The following SLC14A2 variants were observed in gnomAD, a reference collection of about 807,000 sequenced individuals.
SLC14A2 encodes urea transporter 2.
In SLC14A2, 91 loss-of-function variants were observed where a neutral mutation model predicts 104.6. The observed-to-expected ratio is 0.87, with a 90% CI of 0.73 to 1.04. The LOEUF is 1.04. Ranked by LOEUF, SLC14A2 falls within the 50% of genes least tolerant of loss-of-function variation. The pLI, the probability that SLC14A2 is intolerant of heterozygous loss-of-function variation, is 0.00. For synonymous variants in SLC14A2, 476 were observed against 466.4 expected, an observed-to-expected ratio of 1.02 and a Z score of -0.27; for missense variants, 1,189 against 1,156.0, an observed-to-expected ratio of 1.03 and a Z score of -0.41.
intron 1 of SLC14A2, among the ~76,000 whole-genome samples, chr18:45,223,177 G>A (rs899801281): frequency 6.6e-6 from 1 of 152,162 alleles, no homozygotes; most frequent in Non-Finnish European, 1.5e-5. Flanking sequence ...GAGAGGTTCA[G>A]TGACCCACCC....
chr18:45,178,458 AAGCC>A, the SLC14A2 span, among the ~76,000 whole-genome samples: 2 of 152,166 alleles, frequency 1.3e-5, no homozygotes, highest in African/African-American at 4.8e-5. Flanking sequence ...AAAAAATAAT[AAGCC>A]AGTAATTTAG....
intron 1 of SLC14A2, among the ~76,000 whole-genome samples, chr18:45,225,509 T>G (rs1321534229): frequency 1.3e-5 from 2 of 152,180 alleles, no homozygotes; most frequent in Non-Finnish European, 2.9e-5. Context: ...TTTAAGGTAG[T>G]TTTTTCCAAT....
At chr18:45,253,344 C>G (rs975754807) in intron 1 of SLC14A2, among the ~76,000 whole-genome samples, 2 of 151,972 alleles carry the variant, frequency 1.3e-5, no homozygotes, top group African/African-American at 4.8e-5. Flanking sequence ...ACACGGTGGA[C>G]GAAGGACGGA....
At chr18:45,440,991 G>C (rs1215822137) in intron 1 of SLC14A2, among the ~76,000 whole-genome samples, 1 of 152,094 alleles carries the variant, frequency 6.6e-6, no homozygotes, top group Non-Finnish European at 1.5e-5. Context: ...GTTTTGATCT[G>C]CCATTGACTG....
At chr18:45,553,385 T>G (rs781251273) in intron 2 of SLC14A2, among the ~76,000 whole-genome samples, 14 of 152,194 alleles carry the variant, frequency 9.2e-5, no homozygotes, top group Middle Eastern at 3.2e-3. Context: ...AAGCCCTGAT[T>G]CCTCCAACCT....
chr18:45,220,594 G>A (rs773403020), intron 1 of SLC14A2, among the ~76,000 whole-genome samples: 8 of 152,174 alleles, frequency 5.3e-5, no homozygotes, highest in Non-Finnish European at 7.3e-5. Context: ...CTTGGGACAG[G>A]GTAAGAAGCC....
intron 1 of SLC14A2, among the ~76,000 whole-genome samples, chr18:45,230,146 C>G (rs1262100050): frequency 1.3e-5 from 2 of 152,146 alleles, no homozygotes; most frequent in Non-Finnish European, 1.5e-5. Flanking sequence ...CTGCCAGGTG[C>G]CTTTCAATTG....
At chr18:45,603,428 C>T (rs2044820080) in intron 2 of SLC14A2, among the ~76,000 whole-genome samples, 1 of 151,984 alleles carries the variant, frequency 6.6e-6, no homozygotes, top group Non-Finnish European at 1.5e-5. Flanking sequence ...ACTGAGAGTT[C>T]ACTGTATTTA....
chr18:45,641,123 G>A (rs1436272740), intron 7 of SLC14A2, 86 bp from the exon 8 acceptor site: 114 of 1,429,060 alleles, frequency 8.0e-5, no homozygotes, highest in Admixed American at 1.4e-4. Context: ...CAGCATGGAG[G>A]CCACTCTGAG....
chr18:45,478,108 G>A (rs76834736), intron 1 of SLC14A2, among the ~76,000 whole-genome samples: 1 of 152,192 alleles, frequency 6.6e-6, no homozygotes, highest in Non-Finnish European at 1.5e-5. Flanking sequence ...CAGGGCCCCG[G>A]TGGTGTAGGC....
At chr18:45,463,584 T>A (rs889997024) in intron 1 of SLC14A2, among the ~76,000 whole-genome samples, 1 of 152,238 alleles carries the variant, frequency 6.6e-6, no homozygotes, top group Non-Finnish European at 1.5e-5. Flanking sequence ...TAGCCAGGTT[T>A]GTAGGACATT....
Position 45,449,820 on chromosome 18 carries a change from T to C in SLC14A2, c.-124-33413T>C, listed in dbSNP as rs138159548. 1.7e-3 allele frequency among the ~76,000 whole-genome samples: 261 copies of C among 152,310 alleles called. 1 individual carries two copies. Among genetic ancestry groups the C allele is most frequent in the African/African-American group, 6.0e-3 (249 of 41,566 alleles). On this transcript the variant is annotated intron_variant, in intron 1 of 20. Transcript: ENST00000586448. The stretch of plus-strand genomic sequence containing the variant: ...GCCCAAAACGTGTGGGCTTATAAAC[T>C]GAATTGTCTTTGGGCCTTTTTAGAG...
chr18:45,307,299 T>C (rs540745894), intron 1 of SLC14A2, among the ~76,000 whole-genome samples: 1 of 151,200 alleles, frequency 6.6e-6, no homozygotes, highest in South Asian at 2.1e-4. Flanking sequence ...ATGCCTGTAA[T>C]CCCAGCTACT....
chr18:45,599,483 A>C (rs1206606143), intron 2 of SLC14A2, among the ~76,000 whole-genome samples: 5 of 152,190 alleles, frequency 3.3e-5, no homozygotes, highest in Non-Finnish European at 7.3e-5. Flanking sequence ...CAATTTAAAG[A>C]AGTCAGTCAG....
At chr18:45,212,689 A>C (rs2143968949), upstream of SLC14A2, among the ~76,000 whole-genome samples, 1 of 152,344 alleles carries the variant, frequency 6.6e-6, no homozygotes, top group African/African-American at 2.4e-5. Context: ...ATACACTCAC[A>C]ACCGCATAGG....
At chr18:45,228,011 G>A (rs1244683183) in intron 1 of SLC14A2, among the ~76,000 whole-genome samples, 2 of 152,100 alleles carry the variant, frequency 1.3e-5, no homozygotes, top group Admixed American at 6.5e-5. Context: ...ACTTTAAATC[G>A]ATAATAGATT....
Position 45,347,132 on chromosome 18 carries a change from G to A in SLC14A2, c.-125+133941G>A, listed in dbSNP as rs369317852. 5.4e-4 allele frequency among the ~76,000 whole-genome samples: 82 copies of A among 152,138 alleles called. No homozygotes were observed. In the South Asian group the frequency reaches 7.7e-3, roughly 14 times the overall value. ...GCACTTTGACAGGTCAAGGCAGGCCGATCACTTCAGCTCAGGAGTTCGAGA... is the reference window on the plus strand; with the variant it reads ...GCACTTTGACAGGTCAAGGCAGGCCAATCACTTCAGCTCAGGAGTTCGAGA... On this transcript the variant is annotated intron_variant, in intron 1 of 20. Transcript: ENST00000586448.
In SLC14A2 at chr18:45,683,102, A is replaced by C. The variant is rs2046337166; in HGVS notation, c.*583A>C. 6.6e-6 allele frequency: 1 copy of C among 152,480 alleles called. No individual in the cohort carries two copies. The highest frequency in any genetic ancestry group is 1.4e-5 in the Non-Finnish European group (1 of 69,226). 9.4% of individuals were successfully genotyped at this position (152,480 alleles called of 1,614,324 possible). On this transcript the variant is annotated 3_prime_UTR_variant, in exon 20 of 20. Transcript: ENST00000255226. ...GAGTGAGACTCTGTCTCAAAAAAAA[A>C]AAAAAGGGGAAGTCACCAAGAAAGG...
chr18:45,615,981 ATG>A (rs2045063972), intron 1 of SLC14A2, among the ~76,000 whole-genome samples: 1 of 152,144 alleles, frequency 6.6e-6, no homozygotes, highest in Admixed American at 6.5e-5. Flanking sequence ...TGTGAGCAGG[ATG>A]TGTGTGAGTA....
Sources: allele counts gnomAD v4.1 joint callset (sites outside exome capture counted in the v4.1 genomes callset), GRCh38; gene constraint gnomAD v4.1.1; transcripts MANE v1.5; gene names NCBI Gene and HGNC (gene_info 2026-07-23, HGNC 2026-07-21).